The following HAAO variants were observed in gnomAD, a reference collection of about 807,000 sequenced individuals.
The protein encoded by HAAO is 3-hydroxyanthranilate oxygenase.
In HAAO, 49 loss-of-function variants were observed where a neutral mutation model predicts 46.2. The observed-to-expected ratio is 1.06, with a 90% CI of 0.84 to 1.34. The LOEUF is 1.34. Among genes scored for constraint, HAAO ranks in the 40% most tolerant of loss-of-function variants. The pLI, the probability that HAAO is intolerant of heterozygous loss-of-function variation, is 0.00. For missense variants in HAAO, 408 were observed against 364.5 expected (o/e 1.12, Z -0.97); for synonymous variants, 157 against 145.2 (o/e 1.08, Z -0.58).
At chr2:42,779,599 C>T (rs999594620) in intron 4 of HAAO, among the ~76,000 whole-genome samples, 2 of 152,186 alleles carry the variant, frequency 1.3e-5, no homozygotes, top group Non-Finnish European at 2.9e-5. Context: ...GGATTTCAGG[C>T]GTGAGCCACC....
At chr2:42,767,781 T>C (rs1670777694) in intron 8 of HAAO, 79 bp downstream of exon 8, 1 of 1,542,684 alleles carries the variant, frequency 6.5e-7, no homozygotes, top group Non-Finnish European at 9.0e-7. Flanking sequence ...GTGGGCCCCG[T>C]GTGGGAGCCC....
Position 42,778,303 on chromosome 2 carries a change from C to T in HAAO, c.350+5011G>A, listed in dbSNP as rs1181692199. 2.0e-5 allele frequency among the ~76,000 whole-genome samples: 3 copies of T among 151,232 alleles called. No homozygotes were observed. The South Asian group carries it at 6.3e-4, about 32-fold the overall frequency. ...GACATTAAGTTACAGGGCTTTGACTCCTGGGTCTAAAAAGGACACCAGGTC... is the reference window on the plus strand; with the variant it reads ...GACATTAAGTTACAGGGCTTTGACTTCTGGGTCTAAAAAGGACACCAGGTC... On this transcript the variant is annotated intron_variant, in intron 4 of 9. Coordinates refer to ENST00000294973, the MANE Select transcript of HAAO (RefSeq NM_012205.3).
At chr2:42,781,919 G>C (rs1335414040) in intron 4 of HAAO, among the ~76,000 whole-genome samples, 5 of 152,052 alleles carry the variant, frequency 3.3e-5, no homozygotes, top group Admixed American at 3.3e-4. Flanking sequence ...CAAATAATTA[G>C]GCCAAGTATA....
intron 1 of HAAO, among the ~76,000 whole-genome samples, chr2:42,791,923 G>GTGTGTGTGTGTGTGTGT: frequency 6.7e-6 from 1 of 150,270 alleles, no homozygotes; most frequent in South Asian, 2.1e-4. Context: ...GGTCTGGTGT[G>GTGTGTGTGTGTGTGTGT]GTGTGTGTGT....
chr2:42,770,360 C>A (rs561237975), intron 5 of HAAO, 133 bp downstream of exon 5: 17 of 889,954 alleles, frequency 1.9e-5, no homozygotes, highest in African/African-American at 6.7e-5. Flanking sequence ...GCTGCTCCCC[C>A]CTCCCCCCGG....
intron 4 of HAAO, among the ~76,000 whole-genome samples, chr2:42,780,745 T>G (rs1324800600): frequency 6.6e-6 from 1 of 151,920 alleles, no homozygotes; most frequent in Non-Finnish European, 1.5e-5. Context: ...GGAAACTTTT[T>G]TGTGTGTGCT....
chr2:42,776,015 T>A (rs932114671), intron 4 of HAAO, among the ~76,000 whole-genome samples: 5 of 151,860 alleles, frequency 3.3e-5, no homozygotes, highest in Non-Finnish European at 7.4e-5. Flanking sequence ...AATGTCTTTG[T>A]TTAAAAAAAA....
At position 42,770,909 on chromosome 2, in the gene HAAO, T is replaced by TTAAGTGTACGGAAGGATTACACTTCC; in HGVS notation, c.351-328_351-327insGGAAGTGTAATCCTTCCGTACACTTA. 2.0e-5 allele frequency among the ~76,000 whole-genome samples: 3 copies of TTAAGTGTACGGAAGGATTACACTTCC among 152,326 alleles called. No homozygotes were observed. The Middle Eastern group carries it at 0.01, about 518-fold the overall frequency. ...GCAATTTGCCAAGGATTACACAGCC[T>TTAAGTGTACGGAAGGATTACACTTCC]GTAAGTGGCGGAAGCAGGCCAGTCT... On this transcript the variant is annotated intron_variant, in intron 4 of 9. Transcript: ENST00000294973.
chr2:42,788,791 A>G (rs565595898), intron 1 of HAAO, among the ~76,000 whole-genome samples, 184 bp from the exon 2 acceptor site: 42 of 151,452 alleles, frequency 2.8e-4, no homozygotes, highest in African/African-American at 6.9e-4. Context: ...CTAAGTGTCT[A>G]TGTGTCTGGG....
At chr2:42,782,427 A>G (rs911693802) in intron 4 of HAAO, among the ~76,000 whole-genome samples, 2 of 152,172 alleles carry the variant, frequency 1.3e-5, no homozygotes, top group Non-Finnish European at 2.9e-5. Context: ...CTAAAACTGA[A>G]CTTCCCTAAT....
Position 42,767,689 on chromosome 2 carries a change from G to A in HAAO, c.700-12C>T, listed in dbSNP as rs1476776265. ...ACCGAGGAGCCCTCCTGGAGAAGAGGAGCAGGAGAATCAAATGGAGACTGT... is the reference window on the plus strand; with the variant it reads ...ACCGAGGAGCCCTCCTGGAGAAGAGAAGCAGGAGAATCAAATGGAGACTGT... On this transcript the variant is annotated splice_polypyrimidine_tract_variant and intron_variant, in intron 8 of 9. Coordinates refer to ENST00000294973, the MANE Select transcript of HAAO (RefSeq NM_012205.3). 16 of 1,570,190 alleles carry A rather than the reference G, an allele frequency of 1.0e-5. No individual in the cohort carries two copies. In the Middle Eastern group the frequency reaches 5.0e-4, roughly 49 times the overall value.
At chr2:42,769,899 C>T in intron 6 of HAAO, 41 bp from the exon 7 acceptor site, 1 of 1,554,804 alleles carries the variant, frequency 6.4e-7, no homozygotes, top group Non-Finnish European at 8.7e-7. Flanking sequence ...CCTCAGGACC[C>T]AGCCCACCCA....
At position 42,767,898 on chromosome 2, in the gene HAAO, C is replaced by T. The variant is rs1443330447; in HGVS notation, c.661G>A (p.Gly221Ser). ...VIAYGQGSSE[G>S]LRQNVDVWLW... is the part of the protein sequence containing the mutation. The stretch of plus-strand genomic sequence containing the variant: ...CACACGTCCACATTCTGTCTCAGGC[C>T]TTCGCTGCTGCCTTGCCCATAGGCG... Residue 221 changes from glycine to serine, a missense_variant, in exon 8 of 10, where the codon GGC becomes AGC. Coordinates refer to ENST00000294973, the MANE Select transcript of HAAO (RefSeq NM_012205.3). 21 of 1,613,908 alleles carry T rather than the reference C, an allele frequency of 1.3e-5. No homozygotes were observed. Among genetic ancestry groups the T allele is most frequent in the Non-Finnish European group, 1.6e-5 (19 of 1,179,884 alleles).
intron 2 of HAAO, among the ~76,000 whole-genome samples, chr2:42,786,299 C>T (rs1672381390): frequency 6.6e-6 from 1 of 152,128 alleles, no homozygotes; most frequent in Admixed American, 6.5e-5. Context: ...AGCAGAAAAT[C>T]CTGAACAGCT....
chr2:42,767,525 C>T lies in HAAO; in HGVS notation c.783-10G>A, dbSNP rs1471921830. 2 of 1,608,762 alleles carry T rather than the reference C, an allele frequency of 1.2e-6. No individual in the cohort carries two copies. Among genetic ancestry groups the T allele is most frequent in the South Asian group, 2.2e-5 (2 of 90,002 alleles). ...TCGCTCCCAGGCATACCTGTGGACA[C>T]ACAGATGAGCAGGGATCACACAGAG... On this transcript the variant is annotated splice_polypyrimidine_tract_variant and intron_variant, in intron 9 of 9. Coordinates refer to ENST00000294973, the MANE Select transcript of HAAO (RefSeq NM_012205.3).
intron 2 of HAAO, among the ~76,000 whole-genome samples, chr2:42,786,007 C>CTGTGTG (rs1558674524): frequency 4.2e-5 from 5 of 118,836 alleles, no homozygotes; most frequent in African/African-American, 1.3e-4. Context: ...GGGAGGAAGC[C>CTGTGTG]TCTGTGTGTG....
intron 4 of HAAO, among the ~76,000 whole-genome samples, chr2:42,775,328 T>A (rs951854769): frequency 2.6e-5 from 4 of 151,366 alleles, no homozygotes; most frequent in African/African-American, 9.7e-5. Flanking sequence ...GATGAAAGAT[T>A]TTGTATTTTG....
rs3040147 is a variant in HAAO at position 42,791,923 on chromosome 2, G to GTGTGTGTGTGT, written c.80+533_80+534insACACACACACA. On this transcript the variant is annotated intron_variant, in intron 1 of 9. Transcript: ENST00000294973. The stretch of plus-strand genomic sequence containing the variant: ...AGGTGGCCTAGGGAGGGTCTGGTGT[G>GTGTGTGTGTGT]GTGTGTGTGTGTGTGTGTTCGTGCA... 1.9e-3 allele frequency among the ~76,000 whole-genome samples: 279 copies of GTGTGTGTGTGT among 150,266 alleles called. 2 individuals are homozygous for GTGTGTGTGTGT. Among genetic ancestry groups the GTGTGTGTGTGT allele is most frequent in the Middle Eastern group, 6.8e-3 (2 of 292 alleles).
Position 42,792,453 on chromosome 2 carries a change from TCA to T in HAAO, c.80+2_80+3del. 1 of 1,565,488 alleles carries T rather than the reference TCA, an allele frequency of 6.4e-7. No individual in the cohort carries two copies. Among genetic ancestry groups the T allele is most frequent in the Non-Finnish European group, 8.7e-7 (1 of 1,152,692 alleles). On this transcript the variant is annotated splice_donor_variant and splice_donor_region_variant and intron_variant, in intron 1 of 9. Transcript: ENST00000294973. LOFTEE classifies it high-confidence loss of function. Reference sequence around the variant, plus strand: ...GGGGGCGGCCATGGGGGTGCTGGACTCACATGAGCTTGTTGCAGACCGGGGGC... The same window carrying T: ...GGGGGCGGCCATGGGGGTGCTGGACTCATGAGCTTGTTGCAGACCGGGGGC...
Sources: allele counts gnomAD v4.1 joint callset (sites outside exome capture counted in the v4.1 genomes callset), GRCh38; gene constraint gnomAD v4.1.1; transcripts MANE v1.5; gene names NCBI Gene and HGNC (gene_info 2026-07-23, HGNC 2026-07-21).